Variants in AASS observed in about 807,000 individuals in gnomAD.
AASS encodes the protein alpha-aminoadipic semialdehyde synthase, mitochondrial.
Under a neutral mutation model 105.4 loss-of-function variants are expected in AASS, and 86 were observed. The ratio of observed to expected loss-of-function variants is 0.82; its 90% CI spans 0.69 to 0.98. The LOEUF (loss-of-function observed/expected upper bound fraction) is 0.98. Among genes scored for constraint, AASS ranks in the 50% least tolerant of loss-of-function variants. AASS has a pLI of 0.00. For missense variants in AASS, 1,048 were observed against 1,143.2 expected (o/e 0.92, Z 1.20); for synonymous variants, 381 against 394.8 (o/e 0.96, Z 0.41).
intron 18 of AASS, among the ~76,000 whole-genome samples, chr7:122,087,910 G>A (rs541872757): frequency 3.3e-5 from 5 of 152,170 alleles, no homozygotes; most frequent in Non-Finnish European, 7.4e-5. Context: ...AGAAGATGGA[G>A]AAATGTCAGC....
In AASS at chr7:122,133,611, C is replaced by A. The variant is rs1361134361; in HGVS notation, c.116G>T (p.Arg39Met). The A allele has an allele frequency of 3.1e-6, 5 of 1,614,186 alleles. No individual in the cohort carries two copies. Among genetic ancestry groups the A allele is most frequent in the Non-Finnish European group, 3.4e-6 (4 of 1,180,024 alleles). The change falls in exon 2 of 24, where the codon AGG becomes ATG. Residue 39 changes from arginine to methionine, a missense_variant. Transcript: ENST00000417368. Reference sequence around the variant, plus strand: ...GATGTGCTTGGGAGCTAGCGGGGCCCTTCTCTCCCAGGCGTTCACATCCTC... The same window carrying A: ...GATGTGCTTGGGAGCTAGCGGGGCCATTCTCTCCCAGGCGTTCACATCCTC... Reference protein sequence around the residue: ...RREDVNAWERRAPLAPKHIKG... With the variant: ...RREDVNAWERMAPLAPKHIKG...
At chr7:122,096,709 C>A (rs1794171131) in intron 15 of AASS, among the ~76,000 whole-genome samples, 1 of 151,996 alleles carries the variant, frequency 6.6e-6, no homozygotes, top group Non-Finnish European at 1.5e-5. Context: ...AGAAAATACA[C>A]CAAATGAGAA....
chr7:122,079,598 A>G lies in AASS; in HGVS notation c.2395T>C (p.Trp799Arg), dbSNP rs1377096132. The G allele has an allele frequency of 6.2e-7, 1 of 1,606,734 alleles. No homozygotes were observed. Among genetic ancestry groups the G allele is most frequent in the Admixed American group, 1.7e-5 (1 of 60,016 alleles). Reference protein sequence around the residue: ...GDNTQLEAAEWLGLLGDEQVP... With the variant: ...GDNTQLEAAERLGLLGDEQVP... Reference sequence around the variant, plus strand: ...CTAAGTTGAGTGGTGGGTGCCTACCATTCAGCAGCCTCCAACTGGGTATTG... The same window carrying G: ...CTAAGTTGAGTGGTGGGTGCCTACCGTTCAGCAGCCTCCAACTGGGTATTG... Residue 799 changes from tryptophan (W) to arginine (R), a missense_variant and splice_region_variant, in exon 21 of 24, where the codon TGG becomes CGG. By Grantham distance (101) the Trp-to-Arg change is moderately radical. Coordinates refer to ENST00000417368, the MANE Select transcript of AASS (RefSeq NM_005763.4).
Position 122,074,622 on chromosome 7 carries a change from T to C in AASS, c.*1867A>G, listed in dbSNP as rs879824981. On this transcript the variant is annotated 3_prime_UTR_variant, in exon 24 of 24. Coordinates refer to ENST00000417368, the MANE Select transcript of AASS (RefSeq NM_005763.4). ...TACAATATTAGCTCTTACATTTAGA[T>C]CTTAGGTCAACTTTGAGTTAATTTT... is the stretch of plus-strand genomic sequence containing the variant. Among the ~76,000 whole-genome samples the C allele has an allele frequency of 1.3e-5, 2 of 152,202 alleles. No individual in the cohort carries two copies. Among genetic ancestry groups the C allele is most frequent in the Non-Finnish European group, 2.9e-5 (2 of 68,038 alleles).
intron 4 of AASS, among the ~76,000 whole-genome samples, chr7:122,121,122 T>C (rs1038561394): frequency 1.3e-5 from 2 of 152,146 alleles, no homozygotes; most frequent in Non-Finnish European, 2.9e-5. Context: ...TTTCTTAGTA[T>C]GAATTTTACA....
chr7:122,077,701 C>T (rs775314271), intron 23 of AASS, 137 bp downstream of exon 23: 54 of 1,099,552 alleles, frequency 4.9e-5, no homozygotes, highest in Middle Eastern at 2.7e-4. Context: ...CCAGGCAGTC[C>T]GCGCTTGGAT....
intron 11 of AASS, among the ~76,000 whole-genome samples, chr7:122,106,921 T>G (rs185961635): frequency 1.6e-3 from 236 of 152,022 alleles, no homozygotes; most frequent in Non-Finnish European, 2.6e-3. Context: ...TAAGGGGGTT[T>G]TGCACAGCAA....
rs764897732 is a variant in AASS, at chr7:122,118,631, C to T, written c.473-1G>A. On this transcript the variant is annotated splice_acceptor_variant, in intron 4 of 23. Coordinates refer to ENST00000417368, the MANE Select transcript of AASS (RefSeq NM_005763.4). LOFTEE classifies it high-confidence loss of function. ...ATTCCATGTAAAATGTTGATCATTC[C>T]TGTTACAGAATCAGACCAATAGAAA... 2.9e-5 allele frequency: 47 copies of T among 1,613,522 alleles called. No homozygotes were observed. The highest frequency in any genetic ancestry group is 4.0e-5 in the Non-Finnish European group (47 of 1,179,764).
chr7:122,105,568 C>T (rs1030009503), intron 11 of AASS, among the ~76,000 whole-genome samples: 1 of 151,920 alleles, frequency 6.6e-6, no homozygotes. Flanking sequence ...AAATCAATAA[C>T]AAGAGAAACT....
chr7:122,125,922 T>C (rs907549612), intron 4 of AASS, among the ~76,000 whole-genome samples: 5 of 152,230 alleles, frequency 3.3e-5, no homozygotes, highest in African/African-American at 1.2e-4. Context: ...TGACCTTCCT[T>C]ATTAGACCTG....
At chr7:122,098,672 T>A in intron 14 of AASS, 73 bp downstream of exon 14, 18 of 1,586,936 alleles carry the variant, frequency 1.1e-5, no homozygotes, top group Non-Finnish European at 1.5e-5. Flanking sequence ...AGAAACAAAG[T>A]AGTCTTCTAA....
rs557473886 is a variant in AASS at position 122,106,733 on chromosome 7, T to C, written c.1279-5053A>G. On this transcript the variant is annotated intron_variant, in intron 11 of 23. Transcript: ENST00000417368. The stretch of plus-strand genomic sequence containing the variant: ...GAAGATTAAAACTGGATCACTTCCT[T>C]ACAGCATATAAAATGGTGTAAATCA... 2.0e-5 allele frequency among the ~76,000 whole-genome samples: 3 copies of C among 152,244 alleles called. No individual in the cohort carries two copies. In the South Asian group the frequency reaches 6.2e-4, roughly 32 times the overall value.
intron 19 of AASS, among the ~76,000 whole-genome samples, chr7:122,084,179 T>A (rs1175489200): frequency 1.3e-5 from 2 of 152,100 alleles, no homozygotes; most frequent in Non-Finnish European, 2.9e-5. Context: ...ATAGTATGCA[T>A]AAGTTCAGAC....
Position 122,121,993 on chromosome 7 carries a change from C to A in AASS, c.473-3363G>T, listed in dbSNP as rs74497539. Among the ~76,000 whole-genome samples, 51 of 152,230 alleles carry A rather than the reference C, an allele frequency of 3.4e-4. No homozygotes were observed. In the East Asian group the frequency reaches 9.7e-3, roughly 29 times the overall value. ...CTTTCAGCACTTTAAAGATGTTGCT[C>A]CACTTTCTGCTAGCTTAAACTGTTT... On this transcript the variant is annotated intron_variant, in intron 4 of 23. Coordinates refer to ENST00000417368, the MANE Select transcript of AASS (RefSeq NM_005763.4).
At position 122,116,693 on chromosome 7, in the gene AASS, C is replaced by T. The variant is rs377642271; in HGVS notation, c.834G>A (p.Val278=). The change falls in exon 8 of 24, where the codon GTG becomes GTA. Residue 278 remains valine, a synonymous_variant. Transcript: ENST00000417368. ...HHHLVRKTDA[V]YDPAEYDKHP... ...GTTTGTCATACTCTGCAGGATCATA[C>T]ACAGCATCTGTTTTCCTGACAAGAT... The T allele has an allele frequency of 7.4e-6, 12 of 1,613,996 alleles. No homozygotes were observed. The highest frequency in any genetic ancestry group is 1.3e-5 in the African/African-American group (1 of 74,906).
In AASS at chr7:122,081,609, T is replaced by TA. The variant is rs770424300; in HGVS notation, c.2185-15dup. 14 of 1,564,658 alleles carry TA rather than the reference T, an allele frequency of 8.9e-6. No individual in the cohort carries two copies. The South Asian group carries it at 1.4e-4, about 16-fold the overall frequency. ...TTTCATATATCCCTGAAACAAGAAT[T>TA]AATAAGCAGTATATAAAATTTTTCT... On this transcript the variant is annotated splice_polypyrimidine_tract_variant and intron_variant, in intron 19 of 23. Transcript: ENST00000417368.
intron 18 of AASS, among the ~76,000 whole-genome samples, chr7:122,089,504 C>T (rs552052503): frequency 1.1e-4 from 17 of 152,134 alleles, no homozygotes; most frequent in Non-Finnish European, 2.1e-4. Context: ...AGGAGAACTT[C>T]GAATTCAACA....
At chr7:122,105,571 G>C (rs1436999359) in intron 11 of AASS, among the ~76,000 whole-genome samples, 1 of 151,938 alleles carries the variant, frequency 6.6e-6, no homozygotes, top group East Asian at 1.9e-4. Context: ...TCAATAACAA[G>C]AGAAACTTTG....
intron 23 of AASS, among the ~76,000 whole-genome samples, chr7:122,077,018 C>A (rs867754205): frequency 5.9e-5 from 9 of 152,128 alleles, no homozygotes; most frequent in Middle Eastern, 3.2e-3. Context: ...GCACAGGCAC[C>A]TGTTAGTATG....
Sources: allele counts gnomAD v4.1 joint callset (sites outside exome capture counted in the v4.1 genomes callset), GRCh38; gene constraint gnomAD v4.1.1; transcripts MANE v1.5; gene names NCBI Gene and HGNC (gene_info 2026-07-23, HGNC 2026-07-21).